Variants in VPS13B observed in about 807,000 individuals in gnomAD.
VPS13B encodes the protein vacuolar protein sorting 13 homolog B.
A neutral mutation model predicts 426.4 loss-of-function variants in VPS13B; 285 were observed. The ratio of observed to expected loss-of-function variants is 0.67; its 90% CI spans 0.61 to 0.74. The LOEUF (loss-of-function observed/expected upper bound fraction) is 0.74. Ranked by LOEUF, VPS13B falls within the 30% of genes least tolerant of loss-of-function variation. The pLI is 0.00. For synonymous variants in VPS13B, 1,676 were observed against 1,676.4 expected (o/e 1.00, Z 0.01); for missense variants, 4,537 against 4,782.6 (o/e 0.95, Z 1.51).
chr8:99,624,032 T>TC (rs1828491685), intron 33 of VPS13B, among the ~76,000 whole-genome samples: 2 of 120,200 alleles, frequency 1.7e-5, no homozygotes, highest in Non-Finnish European at 3.6e-5. Flanking sequence ...TTTTTTTTTT[T>TC]CTGTGTGAAC....
rs369339314 is a variant in VPS13B at position 99,682,373 on chromosome 8, G to A, written c.6047-17152G>A. On this transcript the variant is annotated intron_variant, in intron 35 of 61. Coordinates refer to ENST00000357162, the MANE Select transcript of VPS13B (RefSeq NM_152564.5). ...CCCAGCTTCTGAGATTTAAAAATTAGGCTATCTAAAAATTAGATTATTTTC... is the reference window on the plus strand; with the variant it reads ...CCCAGCTTCTGAGATTTAAAAATTAAGCTATCTAAAAATTAGATTATTTTC... 3.9e-5 allele frequency among the ~76,000 whole-genome samples: 6 copies of A among 152,100 alleles called. 1 individual carries two copies. The East Asian group carries it at 9.6e-4, about 24-fold the overall frequency.
At chr8:99,079,602 G>A (rs1012289502) in intron 3 of VPS13B, among the ~76,000 whole-genome samples, 1 of 152,028 alleles carries the variant, frequency 6.6e-6, no homozygotes, top group African/African-American at 2.4e-5. Flanking sequence ...AGATTTTAGA[G>A]TTCTAAAGTG....
At chr8:99,315,520 A>G (rs1306711975) in intron 19 of VPS13B, among the ~76,000 whole-genome samples, 4 of 148,414 alleles carry the variant, frequency 2.7e-5, no homozygotes, top group East Asian at 2.0e-4. Context: ...TAAATGTCTC[A>G]TTCAAATCTT....
chr8:99,611,405 T>G (rs1347381075), intron 33 of VPS13B, among the ~76,000 whole-genome samples: 1 of 152,148 alleles, frequency 6.6e-6, no homozygotes, highest in African/African-American at 2.4e-5. Context: ...ATAATCACAT[T>G]ATTAATAGTG....
intron 21 of VPS13B, among the ~76,000 whole-genome samples, chr8:99,424,737 T>C (rs184640934): frequency 6.6e-6 from 1 of 151,902 alleles, no homozygotes; most frequent in Admixed American, 6.6e-5. Flanking sequence ...AATAGAGACA[T>C]TTCCCTTCAA....
At chr8:99,512,095 C>T (rs1001844860) in intron 29 of VPS13B, among the ~76,000 whole-genome samples, 1 of 152,164 alleles carries the variant, frequency 6.6e-6, no homozygotes, top group African/African-American at 2.4e-5. Context: ...CAAGCTAGAA[C>T]TAAATTCAAT....
At chr8:99,468,808 C>T (rs1170862480) in intron 24 of VPS13B, among the ~76,000 whole-genome samples, 16 of 152,102 alleles carry the variant, frequency 1.1e-4, no homozygotes, top group South Asian at 4.1e-4. Context: ...TTTACTATCA[C>T]GTGACAATTA....
At chr8:99,343,868 A>C (rs571287545) in intron 19 of VPS13B, among the ~76,000 whole-genome samples, 192 of 152,358 alleles carry the variant, frequency 1.3e-3, no homozygotes, top group Middle Eastern at 0.01. Context: ...GATTGAAAGA[A>C]TCAATATTAT....
In VPS13B at chr8:99,511,506, G is replaced by A. The variant is rs780709978; in HGVS notation, c.4627G>A (p.Val1543Ile). 2 of 1,612,350 alleles carry A rather than the reference G, an allele frequency of 1.2e-6. No homozygotes were observed. The highest frequency in any genetic ancestry group is 1.7e-5 in the Admixed American group (1 of 59,814). Residue 1543 changes from valine to isoleucine, a missense_variant, in exon 29 of 62, where the codon GTT becomes ATT. Coordinates refer to ENST00000357162, the MANE Select transcript of VPS13B (RefSeq NM_152564.5). ...IPKTEEMQPT[V>I]EANQAAKEDT... ...AAAAACAGAAGAAATGCAGCCAACTGTTGAAGGTATTGTCTTCTGATTTTT... is the reference window on the plus strand; with the variant it reads ...AAAAACAGAAGAAATGCAGCCAACTATTGAAGGTATTGTCTTCTGATTTTT...
intron 19 of VPS13B, among the ~76,000 whole-genome samples, chr8:99,376,080 G>A (rs1223100390): frequency 1.3e-5 from 2 of 152,308 alleles, no homozygotes; most frequent in Middle Eastern, 3.4e-3. Flanking sequence ...TAACTAATGG[G>A]TGAAGGCTGA....
At chr8:99,454,019 T>C (rs1162249472) in intron 23 of VPS13B, among the ~76,000 whole-genome samples, 2 of 152,100 alleles carry the variant, frequency 1.3e-5, no homozygotes, top group African/African-American at 4.8e-5. Context: ...GTGCTCAACA[T>C]ACTCATTTCT....
chr8:99,344,176 T>C (rs1811406275), intron 19 of VPS13B, among the ~76,000 whole-genome samples: 1 of 152,216 alleles, frequency 6.6e-6, no homozygotes, highest in Non-Finnish European at 1.5e-5. Flanking sequence ...TCAATTGATT[T>C]TCAACAGAGA....
chr8:99,861,785 C>T lies in VPS13B; in HGVS notation c.11054C>T (p.Thr3685Ile). The T allele has an allele frequency of 1.1e-5, 17 of 1,594,822 alleles. No homozygotes were observed. The highest frequency in any genetic ancestry group is 1.4e-5 in the Non-Finnish European group (16 of 1,170,688). ...FVKHISKGTL[T>I]SITNLATSLA... ...GCTCTTGTTCCCTCAGGTACCCTCA[C>T]ATCCATCACCAACCTCGCCACAAGC... The change falls in exon 58 of 62, where the codon ACA (threonine) becomes ATA (isoleucine). Residue 3685 changes from threonine (T) to isoleucine (I), a missense_variant. Thr to Ile is a moderately conservative substitution (Grantham distance 89). This residue lies in a region of VPS13B where 4,311 missense variants were observed against 4,474.3 expected (regional missense o/e 0.96). Transcript: ENST00000357162.
intron 19 of VPS13B, among the ~76,000 whole-genome samples, chr8:99,379,270 G>T (rs567891374): frequency 6.6e-6 from 1 of 152,218 alleles, no homozygotes; most frequent in Non-Finnish European, 1.5e-5. Context: ...GGGATTGTTG[G>T]TCTTCACAAG....
At chr8:99,199,518 A>C (rs1160967822) in intron 17 of VPS13B, among the ~76,000 whole-genome samples, 1 of 152,026 alleles carries the variant, frequency 6.6e-6, no homozygotes. Flanking sequence ...ACCACCTTTC[A>C]TCATAATCTC....
intron 17 of VPS13B, among the ~76,000 whole-genome samples, chr8:99,245,340 A>G (rs2132900270): frequency 6.6e-6 from 1 of 152,262 alleles, no homozygotes; most frequent in Non-Finnish European, 1.5e-5. Flanking sequence ...AACTTTAGGC[A>G]TTTTCTGCTA....
In VPS13B at chr8:99,134,721, A is replaced by G. The variant is rs765163542; in HGVS notation, c.1296A>G (p.Thr432=). The change falls in exon 9 of 62, where the codon ACA becomes ACG. Residue 432 remains threonine (T), a synonymous_variant. Coordinates refer to ENST00000357162, the MANE Select transcript of VPS13B (RefSeq NM_152564.5). ...EVLCWEQEGT[T]VEALMMGEPF... ...TGTGTTGGGAACAAGAAGGAACTAC[A>G]GTTGAGGTAATCTTTCAATATTGAA... 6.1e-5 allele frequency: 98 copies of G among 1,605,118 alleles called. No homozygotes were observed. The highest frequency in any genetic ancestry group is 7.6e-5 in the Non-Finnish European group (89 of 1,173,880).
chr8:99,764,371 T>A (rs1811096061), intron 39 of VPS13B, among the ~76,000 whole-genome samples: 1 of 152,008 alleles, frequency 6.6e-6, no homozygotes, highest in African/African-American at 2.4e-5. Flanking sequence ...AAAATAATAT[T>A]TCCTAGATGT....
chr8:99,679,620 C>T (rs1831075280), intron 35 of VPS13B, among the ~76,000 whole-genome samples: 1 of 152,158 alleles, frequency 6.6e-6, no homozygotes, highest in African/African-American at 2.4e-5. Context: ...TCTGAGCTTC[C>T]TCATAGCACA....
Sources: allele counts gnomAD v4.1 joint callset (sites outside exome capture counted in the v4.1 genomes callset), GRCh38; gene constraint gnomAD v4.1.1; regional missense constraint gnomAD v4.1.1; transcripts MANE v1.5; gene names NCBI Gene and HGNC (gene_info 2026-07-23, HGNC 2026-07-21).